The following ADAMTS19 variants were observed in gnomAD, a reference collection of about 807,000 sequenced individuals.
ADAMTS19 encodes the protein A disintegrin and metalloproteinase with thrombospondin motifs 19.
In ADAMTS19, 93 loss-of-function variants were observed where a neutral mutation model predicts 153.3. The observed-to-expected ratio is 0.61, with a 90% CI of 0.51 to 0.72. The LOEUF is 0.72. ADAMTS19 is among the 30% of genes least tolerant of loss of function. ADAMTS19 has a pLI of 0.00. For missense variants in ADAMTS19, 1,482 were observed against 1,552.1 expected, an observed-to-expected ratio of 0.95 and a Z score of 0.76; for synonymous variants, 600 against 556.6, an observed-to-expected ratio of 1.08 and a Z score of -1.10.
chr5:129,701,243 C>A (rs1326093569), intron 19 of ADAMTS19, 145 bp from the exon 20 acceptor site: 3 of 857,292 alleles, frequency 3.5e-6, no homozygotes, highest in Non-Finnish European at 5.4e-6. Flanking sequence ...GCCTCCCCAG[C>A]CACATGGAAC....
intron 7 of ADAMTS19, among the ~76,000 whole-genome samples, chr5:129,561,422 G>A (rs892147630): frequency 2.0e-5 from 3 of 151,956 alleles, no homozygotes; most frequent in South Asian, 2.1e-4. Flanking sequence ...CCAGCTACTC[G>A]GGAGGCTGAG....
chr5:129,717,071 C>T (rs183159385), intron 21 of ADAMTS19, among the ~76,000 whole-genome samples: 1 of 152,294 alleles, frequency 6.6e-6, no homozygotes, highest in African/African-American at 2.4e-5. Context: ...AGCTGGAGTA[C>T]CTAGTTTCTC....
At chr5:129,608,182 A>G (rs1318972121) in intron 8 of ADAMTS19, among the ~76,000 whole-genome samples, 3 of 144,914 alleles carry the variant, frequency 2.1e-5, no homozygotes, top group Admixed American at 7.1e-5. Context: ...AAATTCTACT[A>G]TTTGCAACAG....
chr5:129,490,608 T>A (rs957591520), intron 2 of ADAMTS19, among the ~76,000 whole-genome samples: 5 of 152,196 alleles, frequency 3.3e-5, no homozygotes, highest in African/African-American at 1.2e-4. Context: ...TCTACTATCC[T>A]GCTTGTGAAA....
intron 6 of ADAMTS19, among the ~76,000 whole-genome samples, chr5:129,534,053 G>A (rs181813504): frequency 2.0e-3 from 312 of 152,236 alleles, no homozygotes; most frequent in African/African-American, 6.7e-3. Flanking sequence ...GTGTGGTGCT[G>A]AAAAGAATGT....
chr5:129,602,448 A>AT lies in ADAMTS19; in HGVS notation c.1478+5785dup, dbSNP rs535784303. Among the ~76,000 whole-genome samples, 453 of 152,294 alleles carry AT rather than the reference A, an allele frequency of 3.0e-3. 1 individual carries two copies. The highest frequency in any genetic ancestry group is 0.01 in the African/African-American group (428 of 41,542). ...ATATTGAGTTGCCAAAGGGTTTCTA[A>AT]TAAAAACAACAGTGTCTTCTTTTAT... On this transcript the variant is annotated intron_variant, in intron 8 of 22. Coordinates refer to ENST00000274487, the MANE Select transcript of ADAMTS19 (RefSeq NM_133638.6).
chr5:129,534,823 CA>C, intron 6 of ADAMTS19, among the ~76,000 whole-genome samples: 1 of 152,188 alleles, frequency 6.6e-6, no homozygotes, highest in Admixed American at 6.5e-5. Context: ...AGACAAAAAC[CA>C]CATGATTATC....
intron 2 of ADAMTS19, among the ~76,000 whole-genome samples, chr5:129,497,102 C>A (rs143814902): frequency 9.6e-4 from 146 of 152,062 alleles, no homozygotes; most frequent in African/African-American, 3.4e-3. Flanking sequence ...TAAGCCTGAG[C>A]AATGTGGGTT....
chr5:129,571,671 T>C (rs886176118), intron 7 of ADAMTS19, among the ~76,000 whole-genome samples: 6 of 151,800 alleles, frequency 4.0e-5, no homozygotes, highest in African/African-American at 1.2e-4. Context: ...GACAAGATGA[T>C]TCTAAAATTT....
intron 10 of ADAMTS19, among the ~76,000 whole-genome samples, chr5:129,639,291 G>A (rs1458422642): frequency 6.6e-6 from 1 of 152,142 alleles, no homozygotes; most frequent in Non-Finnish European, 1.5e-5. Flanking sequence ...TGACATATCT[G>A]AGGTATTCCA....
At chr5:129,526,705 C>G (rs1581039762) in intron 4 of ADAMTS19, among the ~76,000 whole-genome samples, 1 of 151,842 alleles carries the variant, frequency 6.6e-6, no homozygotes, top group African/African-American at 2.4e-5. Context: ...ACTCTTTTCT[C>G]TCTTTTTTTG....
chr5:129,566,724 T>G (rs1355387295), intron 7 of ADAMTS19, among the ~76,000 whole-genome samples: 1 of 152,104 alleles, frequency 6.6e-6, no homozygotes, highest in Non-Finnish European at 1.5e-5. Context: ...AATGTCTACA[T>G]TCTCTTCTGC....
chr5:129,464,825 G>C (rs1409975263), intron 2 of ADAMTS19, among the ~76,000 whole-genome samples: 3 of 151,976 alleles, frequency 2.0e-5, no homozygotes, highest in Non-Finnish European at 2.9e-5. Flanking sequence ...TATTATTTTT[G>C]TTTGTTCTGA....
chr5:129,736,863 A>G (rs1757687048), intron 22 of ADAMTS19, among the ~76,000 whole-genome samples: 1 of 152,148 alleles, frequency 6.6e-6, no homozygotes, highest in African/African-American at 2.4e-5. Flanking sequence ...AAACATTTAT[A>G]AGTAAAAATA....
chr5:129,479,010 T>A (rs532458151), intron 2 of ADAMTS19, among the ~76,000 whole-genome samples: 27 of 152,196 alleles, frequency 1.8e-4, no homozygotes, highest in Non-Finnish European at 3.4e-4. Context: ...GTATGGCAAA[T>A]TTTTCACAGA....
At chr5:129,484,686 T>G (rs906590576) in intron 2 of ADAMTS19, among the ~76,000 whole-genome samples, 8 of 152,040 alleles carry the variant, frequency 5.3e-5, no homozygotes, top group Middle Eastern at 3.2e-3. Context: ...TCTTAATTTT[T>G]GGGATTATAA....
intron 6 of ADAMTS19, among the ~76,000 whole-genome samples, chr5:129,544,888 C>A (rs1218461658): frequency 6.6e-6 from 1 of 152,112 alleles, no homozygotes; most frequent in South Asian, 2.1e-4. Flanking sequence ...GACAAAAATG[C>A]TTCCTCTGGG....
intron 1 of ADAMTS19, 23 bp downstream of exon 1, chr5:129,460,505 C>G (rs759939092): frequency 6.2e-7 from 1 of 1,613,864 alleles, no homozygotes; most frequent in Non-Finnish European, 8.5e-7. Context: ...GTGACTTTCT[C>G]GCTTCCTTTC....
At chr5:129,593,822 A>G (rs1356997212) in intron 7 of ADAMTS19, among the ~76,000 whole-genome samples, 2 of 152,166 alleles carry the variant, frequency 1.3e-5, no homozygotes, top group East Asian at 1.9e-4. Context: ...CTGAAGCAAC[A>G]TATTTTCTGA....
Sources: gnomAD v4.1 joint callset for allele counts (sites outside exome capture counted in the v4.1 genomes callset) on GRCh38, gnomAD v4.1.1 for gene constraint, MANE v1.5 for transcripts, NCBI Gene and HGNC (gene_info 2026-07-23, HGNC 2026-07-21) for gene names.